Variants in SNX8 observed in about 807,000 individuals in gnomAD.
SNX8 encodes sorting nexin-8.
SNX8 carries 25 observed loss-of-function variants against 51.6 expected under a neutral mutation model. The ratio of observed to expected loss-of-function variants is 0.48; its 90% CI spans 0.35 to 0.68. The LOEUF is 0.68. SNX8 is among the 30% of genes least tolerant of loss of function. The probability of loss-of-function intolerance (pLI) is 0.00; values close to 1 mark genes in which losing one functional copy is unlikely to be tolerated. For synonymous variants in SNX8, 324 were observed against 277.0 expected, an observed-to-expected ratio of 1.17 and a Z score of -1.68; for missense variants, 695 against 624.0, an observed-to-expected ratio of 1.11 and a Z score of -1.21.
At position 2,269,169 on chromosome 7, in the gene SNX8, A is replaced by C. The variant is rs1795576217; in HGVS notation, c.621+390T>G. The stretch of plus-strand genomic sequence containing the variant: ...AAGAAGTAGACATGGGAGACTTTTC[A>C]TTTTGTTCTGTACTAAGAAAAATTC... On this transcript the variant is annotated intron_variant, in intron 5 of 10. Transcript: ENST00000222990. Among the ~76,000 whole-genome samples, 2 of 150,500 alleles carry C rather than the reference A, an allele frequency of 1.3e-5. 1 individual carries two copies. Among genetic ancestry groups the C allele is most frequent in the South Asian group, 4.3e-4 (2 of 4,672 alleles).
chr7:2,299,675 C>T lies in SNX8; in HGVS notation c.94+14653G>A, dbSNP rs575278306. ...AATGCCACCCATGCCTGGTTTCTTG[C>T]GTTTTCTTTTTTAACCCTCCTCCTG... is the stretch of plus-strand genomic sequence containing the variant. On this transcript the variant is annotated intron_variant, in intron 1 of 10. Coordinates refer to ENST00000222990, the MANE Select transcript of SNX8 (RefSeq NM_013321.4). Among the ~76,000 whole-genome samples the T allele has an allele frequency of 2.0e-5, 3 of 152,210 alleles. No individual in the cohort carries two copies. The South Asian group carries it at 6.2e-4, about 32-fold the overall frequency.
chr7:2,257,650 C>A, intron 8 of SNX8, 85 bp downstream of exon 8: 1 of 1,567,660 alleles, frequency 6.4e-7, no homozygotes, highest in Non-Finnish European at 8.7e-7. Context: ...AGCTCCTCTT[C>A]CGTCCCCCAG....
intron 5 of SNX8, among the ~76,000 whole-genome samples, chr7:2,266,655 G>A (rs1237829506): frequency 2.0e-5 from 3 of 151,832 alleles, no homozygotes; most frequent in African/African-American, 4.8e-5. Flanking sequence ...GGTTTTTTGG[G>A]GTTTGTTTTG....
chr7:2,318,272 C>T (rs1476092537), upstream of SNX8, among the ~76,000 whole-genome samples: 1 of 152,098 alleles, frequency 6.6e-6, no homozygotes, highest in Non-Finnish European at 1.5e-5. Context: ...AATTTGTAGC[C>T]AGGCACAGTT....
At chr7:2,280,135 T>C (rs1178589001) in intron 1 of SNX8, among the ~76,000 whole-genome samples, 1 of 152,162 alleles carries the variant, frequency 6.6e-6, no homozygotes, top group Non-Finnish European at 1.5e-5. Flanking sequence ...ACGGAAGAAT[T>C]AAGCCAGAAA....
At chr7:2,270,681 C>A (rs1795623194) in intron 4 of SNX8, among the ~76,000 whole-genome samples, 1 of 152,076 alleles carries the variant, frequency 6.6e-6, no homozygotes, top group Non-Finnish European at 1.5e-5. Context: ...CTCAAAAGAT[C>A]CCACTGCCTG....
intron 1 of SNX8, among the ~76,000 whole-genome samples, chr7:2,299,754 G>A (rs909124187): frequency 1.3e-5 from 2 of 152,038 alleles, no homozygotes; most frequent in Non-Finnish European, 2.9e-5. Flanking sequence ...AGGGTCTCCT[G>A]ACATGAAAGT....
intron 1 of SNX8, among the ~76,000 whole-genome samples, chr7:2,285,020 G>A (rs1039379086): frequency 1.3e-5 from 2 of 151,936 alleles, no homozygotes; most frequent in Non-Finnish European, 2.9e-5. Flanking sequence ...AGACCATCCT[G>A]GCTAACACGA....
intron 1 of SNX8, among the ~76,000 whole-genome samples, chr7:2,332,760 A>G (rs1308270130): frequency 1.3e-5 from 2 of 149,644 alleles, no homozygotes; most frequent in Non-Finnish European, 3.0e-5. Context: ...GGAAGGAAGG[A>G]AGGAAGGAAG....
chr7:2,268,004 A>C (rs1188582168), intron 5 of SNX8, among the ~76,000 whole-genome samples: 1 of 140,226 alleles, frequency 7.1e-6, no homozygotes, highest in African/African-American at 2.8e-5. Context: ...CCCGGCCGAG[A>C]CCCCGTCTGG....
At chr7:2,336,467 G>C (rs138973582) in intron 1 of SNX8, among the ~76,000 whole-genome samples, 3,214 of 152,178 alleles carry the variant, frequency 0.021, 117 homozygotes, top group African/African-American at 0.074. Flanking sequence ...CTAGCACTTT[G>C]GGAGGCCAAG....
chr7:2,292,807 G>A (rs991521437), intron 1 of SNX8, among the ~76,000 whole-genome samples: 5 of 151,990 alleles, frequency 3.3e-5, no homozygotes, highest in Admixed American at 6.6e-5. Flanking sequence ...GTTTCCTCGA[G>A]GCTAGATTTG....
intron 2 of SNX8, among the ~76,000 whole-genome samples, chr7:2,276,840 G>A (rs560660806): frequency 6.6e-6 from 1 of 152,072 alleles, no homozygotes; most frequent in African/African-American, 2.4e-5. Flanking sequence ...AGCTACTCAG[G>A]AGACTGAGGT....
intron 1 of SNX8, among the ~76,000 whole-genome samples, chr7:2,281,477 C>T (rs369371753): frequency 2.7e-4 from 41 of 151,472 alleles, no homozygotes; most frequent in African/African-American, 8.0e-4. Flanking sequence ...TGCCAGGTGA[C>T]GGACCACACA....
At chr7:2,307,713 C>T (rs1389418090) in intron 1 of SNX8, 2 of 150,860 alleles carry the variant, frequency 1.3e-5, no homozygotes, top group Non-Finnish European at 3.0e-5. Context: ...CACTCTCGGG[C>T]TCTGTGCCTC....
At chr7:2,307,222 C>A (rs909939300) in intron 1 of SNX8, among the ~76,000 whole-genome samples, 1 of 152,106 alleles carries the variant, frequency 6.6e-6, no homozygotes, top group African/African-American at 2.4e-5. Context: ...CCAATATTTT[C>A]CCAAAAACAC....
At chr7:2,318,871 A>T (rs914367551), upstream of SNX8, among the ~76,000 whole-genome samples, 3 of 151,262 alleles carry the variant, frequency 2.0e-5, no homozygotes, top group Non-Finnish European at 1.5e-5. Flanking sequence ...AGCCAGGCAC[A>T]ATGGCACACA....
chr7:2,295,566 A>G (rs1796255119), intron 1 of SNX8, among the ~76,000 whole-genome samples: 1 of 141,166 alleles, frequency 7.1e-6, no homozygotes, highest in South Asian at 2.5e-4. Flanking sequence ...TCAGCCAGGC[A>G]TGGTGGCAGG....
At chr7:2,317,251 CTTTTTTTTTTTTTTTTTTTTTTTTTTTTT>C (rs780593342), upstream of SNX8, among the ~76,000 whole-genome samples, 15 of 43,118 alleles carry the variant, frequency 3.5e-4, no homozygotes, top group African/African-American at 1.1e-3. Flanking sequence ...CCTGGACCTT[CTTTTTTTTTTTTTTTTTTTTTTTTTTTTT>C]TTTTTTTTTT....
Sources: gnomAD v4.1 joint callset for allele counts (sites outside exome capture counted in the v4.1 genomes callset) on GRCh38, gnomAD v4.1.1 for gene constraint, MANE v1.5 for transcripts, NCBI Gene and HGNC (gene_info 2026-07-23, HGNC 2026-07-21) for gene names.